Variants in CMSS1 observed in about 807,000 individuals in gnomAD.
CMSS1 encodes the protein cms1 ribosomal small subunit homolog.
A neutral mutation model predicts 43.5 loss-of-function variants in CMSS1; 33 were observed. The ratio of observed to expected loss-of-function variants is 0.76; its 90% CI spans 0.57 to 1.01. The LOEUF (loss-of-function observed/expected upper bound fraction) is 1.01. Among genes scored for constraint, CMSS1 ranks in the 50% least tolerant of loss-of-function variants. The probability of loss-of-function intolerance (pLI) is 0.00; values close to 1 mark genes in which losing one functional copy is unlikely to be tolerated. For missense variants in CMSS1, 313 were observed against 326.4 expected (o/e 0.96, Z 0.32); for synonymous variants, 115 against 117.2 (o/e 0.98, Z 0.12).
At chr3:99,832,332 G>A (rs1942700761) in intron 1 of CMSS1, among the ~76,000 whole-genome samples, 1 of 148,380 alleles carries the variant, frequency 6.7e-6, no homozygotes. Flanking sequence ...CCGGGCTCCC[G>A]CCATTCTCCT....
chr3:100,106,492 A>G (rs1245910558), intron 1 of CMSS1, among the ~76,000 whole-genome samples: 1 of 152,160 alleles, frequency 6.6e-6, no homozygotes, highest in East Asian at 1.9e-4. Context: ...GGAGCCACCC[A>G]TCTGAAAACT....
At chr3:100,174,529 A>T (rs982664795) in intron 8 of CMSS1, among the ~76,000 whole-genome samples, 2 of 152,202 alleles carry the variant, frequency 1.3e-5, no homozygotes, top group African/African-American at 4.8e-5. Context: ...GGCGATTTTT[A>T]AAAAAATATT....
At chr3:100,115,142 G>A in intron 1 of CMSS1, 1 of 610,532 alleles carries the variant, frequency 1.6e-6, no homozygotes. Context: ...TGGATAGAAG[G>A]GAGGAGTTTG....
intron 1 of CMSS1, among the ~76,000 whole-genome samples, chr3:100,120,833 A>C (rs1211413826): frequency 6.6e-6 from 1 of 152,088 alleles, no homozygotes; most frequent in African/African-American, 2.4e-5. Context: ...GGTTTCTGGC[A>C]GGAAAAGAGT....
intron 1 of CMSS1, among the ~76,000 whole-genome samples, chr3:100,134,561 ATAATAT>A (rs542898241): frequency 2.1e-4 from 32 of 152,320 alleles, no homozygotes; most frequent in Non-Finnish European, 4.0e-4. Flanking sequence ...AATAAGACAG[ATAATAT>A]TAATAAACCA....
At chr3:100,092,196 TAGG>T (rs1177425907) in intron 1 of CMSS1, among the ~76,000 whole-genome samples, 1 of 152,226 alleles carries the variant, frequency 6.6e-6, no homozygotes, top group African/African-American at 2.4e-5. Context: ...TTTTGTTAAA[TAGG>T]AGGTAGAAAA....
rs1448158926 is a variant in CMSS1, at chr3:99,940,519, A to T, written c.64+122476A>T. Among the ~76,000 whole-genome samples, 4 of 152,200 alleles carry T rather than the reference A, an allele frequency of 2.6e-5. No homozygotes were observed. In the East Asian group the frequency reaches 5.8e-4, roughly 22 times the overall value. ...ACTGTAACCAAATCCCAGCAAGGTT[A>T]ACTGATGTGCCTATGGTCATGCCCT... On this transcript the variant is annotated intron_variant, in intron 1 of 9. Transcript: ENST00000421999.
chr3:99,834,747 T>C (rs751826482), intron 1 of CMSS1, among the ~76,000 whole-genome samples: 58 of 152,226 alleles, frequency 3.8e-4, no homozygotes, highest in Non-Finnish European at 6.6e-4. Flanking sequence ...GCTTACATCT[T>C]ATAACAGCCT....
chr3:99,930,769 C>T, intron 1 of CMSS1: 1 of 1,613,142 alleles, frequency 6.2e-7, no homozygotes. Flanking sequence ...CCCAGCTGAC[C>T]TGCAGTTCTC....
At chr3:99,998,952 C>T (rs2107157656) in intron 1 of CMSS1, among the ~76,000 whole-genome samples, 1 of 152,332 alleles carries the variant, frequency 6.6e-6, no homozygotes, top group South Asian at 2.1e-4. Flanking sequence ...AAAATTCAAG[C>T]ACACACCCAG....
intron 1 of CMSS1, chr3:99,848,320 G>C: frequency 6.2e-7 from 1 of 1,614,104 alleles, no homozygotes; most frequent in Non-Finnish European, 8.5e-7. Context: ...TCGAGGAAGA[G>C]GTGTGGCTGT....
chr3:99,925,811 G>A (rs1213263016), intron 1 of CMSS1: 22 of 982,762 alleles, frequency 2.2e-5, no homozygotes, highest in East Asian at 1.1e-4. Flanking sequence ...CATGCCAGTG[G>A]CCAAAAGCAT....
At chr3:99,992,022 A>G (rs1188407062) in intron 1 of CMSS1, among the ~76,000 whole-genome samples, 2 of 150,676 alleles carry the variant, frequency 1.3e-5, no homozygotes, top group Non-Finnish European at 3.0e-5. Context: ...GTATATATAT[A>G]TATACGTGTA....
chr3:100,037,427 CA>C (rs1278300230), intron 1 of CMSS1, among the ~76,000 whole-genome samples: 1 of 151,844 alleles, frequency 6.6e-6, no homozygotes, highest in Admixed American at 6.6e-5. Context: ...TAAAATTTAA[CA>C]AAAGATTAAA....
chr3:100,067,554 T>C (rs1313177209), intron 1 of CMSS1, among the ~76,000 whole-genome samples: 1 of 152,218 alleles, frequency 6.6e-6, no homozygotes, highest in Non-Finnish European at 1.5e-5. Flanking sequence ...CATCTGAATT[T>C]TGCAGATTTG....
intron 2 of CMSS1, among the ~76,000 whole-genome samples, chr3:100,148,367 G>A (rs9849632): frequency 0.43 from 64,782 of 151,956 alleles, 13,974 homozygotes; most frequent in African/African-American, 0.48. Flanking sequence ...GGCATGAGCC[G>A]CAGTGCCTGG....
intron 1 of CMSS1, among the ~76,000 whole-genome samples, chr3:99,862,889 A>G (rs1485894866): frequency 6.6e-6 from 1 of 152,226 alleles, no homozygotes; most frequent in Non-Finnish European, 1.5e-5. Context: ...GTGAATGTCC[A>G]ATATCCAATG....
At chr3:100,112,602 C>T (rs2066510173) in intron 1 of CMSS1, among the ~76,000 whole-genome samples, 1 of 152,178 alleles carries the variant, frequency 6.6e-6, no homozygotes, top group African/African-American at 2.4e-5. Flanking sequence ...AATAAATTGT[C>T]ACTCTTTAAA....
chr3:100,006,751 C>T (rs912419226), intron 1 of CMSS1, among the ~76,000 whole-genome samples: 8 of 151,914 alleles, frequency 5.3e-5, no homozygotes, highest in African/African-American at 1.9e-4. Context: ...AAAGTAAGAG[C>T]TTACTCTGTT....
Sources: allele counts gnomAD v4.1 joint callset (sites outside exome capture counted in the v4.1 genomes callset), GRCh38; gene constraint gnomAD v4.1.1; transcripts MANE v1.5; gene names NCBI Gene and HGNC (gene_info 2026-07-23, HGNC 2026-07-21).